DLG2: variants seen among roughly 807,000 people sequenced by gnomAD.
DLG2 encodes the protein discs large MAGUK scaffold protein 2.
DLG2 carries 45 observed loss-of-function variants against 132.5 expected under a neutral mutation model. The ratio of observed to expected loss-of-function variants is 0.34; its 90% CI spans 0.27 to 0.44. The LOEUF is 0.44. DLG2 is among the 20% of genes least tolerant of loss of function. DLG2 has a pLI of 1.00. For synonymous variants in DLG2, 424 were observed against 419.6 expected, an observed-to-expected ratio of 1.01 and a Z score of -0.13; for missense variants, 1,045 against 1,196.9, an observed-to-expected ratio of 0.87 and a Z score of 1.87.
chr11:85,562,794 G>A (rs2077329090), intron 3 of DLG2, among the ~76,000 whole-genome samples: 2 of 151,794 alleles, frequency 1.3e-5, no homozygotes, highest in Non-Finnish European at 2.9e-5. Context: ...GAGCTAAACA[G>A]TGAATTAGAG....
intron 15 of DLG2, among the ~76,000 whole-genome samples, chr11:83,919,729 G>C (rs2077525862): frequency 6.6e-6 from 1 of 152,256 alleles, no homozygotes; most frequent in Middle Eastern, 3.4e-3. Flanking sequence ...GGAAAATATA[G>C]AGGTTGGACT....
rs2093982427 is a variant in DLG2 at position 83,995,629 on chromosome 11, A to G, written c.920-14987T>C. On this transcript the variant is annotated intron_variant, in intron 11 of 27. Coordinates refer to ENST00000376104, the MANE Select transcript of DLG2 (RefSeq NM_001142699.3). ...ATGATACTGGCATAAAAACAGACAC[A>G]TAGACAAAGGTAACAGAATAGACAG... Among the ~76,000 whole-genome samples the G allele has an allele frequency of 3.9e-5, 6 of 152,342 alleles. No individual in the cohort carries two copies. In the South Asian group the frequency reaches 1.0e-3, roughly 26 times the overall value.
chr11:85,398,935 T>C (rs963294294), intron 3 of DLG2, among the ~76,000 whole-genome samples: 20 of 152,100 alleles, frequency 1.3e-4, no homozygotes, highest in African/African-American at 4.6e-4. Context: ...GCCAGGGCAA[T>C]TAGGCAGGAG....
rs138859892 is a variant in DLG2, at chr11:84,121,003, C to G, written c.625-21956G>C. Among the ~76,000 whole-genome samples the G allele has an allele frequency of 2.0e-5, 3 of 152,288 alleles. No individual in the cohort carries two copies. The East Asian group carries it at 5.8e-4, about 29-fold the overall frequency. ...TACTCTAATTTCTTTTGTCTTTACT[C>G]TTGCTCATTCATTCAATTCATTAAT... is the stretch of plus-strand genomic sequence containing the variant. On this transcript the variant is annotated intron_variant, in intron 9 of 27. Coordinates refer to ENST00000376104, the MANE Select transcript of DLG2 (RefSeq NM_001142699.3).
chr11:84,929,020 A>G (rs1191123357), intron 6 of DLG2, among the ~76,000 whole-genome samples: 6 of 114,452 alleles, frequency 5.2e-5, no homozygotes, highest in South Asian at 2.9e-4. Context: ...ATATATATAT[A>G]TATATTACTG....
chr11:84,791,169 G>A (rs367776738), intron 6 of DLG2, among the ~76,000 whole-genome samples: 57 of 152,140 alleles, frequency 3.7e-4, no homozygotes, highest in African/African-American at 1.3e-3. Flanking sequence ...CTCACTATCC[G>A]GATAACAGCA....
chr11:84,002,292 C>A (rs1349423455), intron 11 of DLG2, among the ~76,000 whole-genome samples: 1 of 152,134 alleles, frequency 6.6e-6, no homozygotes, highest in Non-Finnish European at 1.5e-5. Flanking sequence ...CTGGGATCTA[C>A]CATCCTAGGG....
chr11:85,445,636 C>T (rs1196607195), intron 3 of DLG2, among the ~76,000 whole-genome samples: 1 of 152,160 alleles, frequency 6.6e-6, no homozygotes, highest in Non-Finnish European at 1.5e-5. Flanking sequence ...GCCGAGGTTG[C>T]ACCACTCCTG....
At chr11:83,640,945 C>T (rs535946540) in intron 18 of DLG2, among the ~76,000 whole-genome samples, 1 of 152,246 alleles carries the variant, frequency 6.6e-6, no homozygotes, top group South Asian at 2.1e-4. Flanking sequence ...TGAGTCCTGG[C>T]TCTGAGAGAT....
At chr11:84,822,747 G>C (rs1566059463) in intron 6 of DLG2, among the ~76,000 whole-genome samples, 1 of 151,824 alleles carries the variant, frequency 6.6e-6, no homozygotes, top group African/African-American at 2.4e-5. Flanking sequence ...ACACTTTTCA[G>C]AAATACAATG....
intron 4 of DLG2, among the ~76,000 whole-genome samples, chr11:85,186,337 CT>C (rs1455686982): frequency 2.6e-5 from 4 of 151,898 alleles, no homozygotes; most frequent in Non-Finnish European, 5.9e-5. Flanking sequence ...TTTTACATTT[CT>C]TTTTTAGTAC....
intron 4 of DLG2, among the ~76,000 whole-genome samples, chr11:85,188,574 A>G (rs2152525795): frequency 6.6e-6 from 1 of 152,320 alleles, no homozygotes; most frequent in Middle Eastern, 3.4e-3. Context: ...CAAATATTAC[A>G]AATATATTAT....
intron 6 of DLG2, among the ~76,000 whole-genome samples, chr11:84,606,061 T>C (rs745703078): frequency 1.7e-4 from 26 of 152,086 alleles, no homozygotes; most frequent in Non-Finnish European, 3.2e-4. Context: ...TTGTTAGCTA[T>C]ACAAAAGCCA....
intron 6 of DLG2, among the ~76,000 whole-genome samples, chr11:84,991,271 G>T (rs564821847): frequency 6.6e-6 from 1 of 152,146 alleles, no homozygotes; most frequent in African/African-American, 2.4e-5. Flanking sequence ...GCAATTTGGG[G>T]GACTGAGGCG....
chr11:84,385,139 A>G (rs932526124), intron 7 of DLG2, among the ~76,000 whole-genome samples: 51 of 152,018 alleles, frequency 3.4e-4, no homozygotes, highest in African/African-American at 1.2e-3. Flanking sequence ...TGTAACATTT[A>G]CCCTTCCACA....
At chr11:84,758,037 A>C (rs2067125379) in intron 6 of DLG2, among the ~76,000 whole-genome samples, 1 of 152,240 alleles carries the variant, frequency 6.6e-6, no homozygotes. Flanking sequence ...TGGTTGGGTC[A>C]TTGCCATAAC....
intron 4 of DLG2, among the ~76,000 whole-genome samples, chr11:85,256,296 T>C (rs952570891): frequency 9.2e-5 from 14 of 152,024 alleles, no homozygotes; most frequent in African/African-American, 3.1e-4. Context: ...GGAGAGGAGA[T>C]CAGCCACTGG....
At chr11:83,704,327 A>C (rs1178911338) in intron 18 of DLG2, among the ~76,000 whole-genome samples, 1 of 152,296 alleles carries the variant, frequency 6.6e-6, no homozygotes, top group East Asian at 1.9e-4. Context: ...AACCTCCCTT[A>C]TGTATTTCAT....
Position 83,823,019 on chromosome 11 carries a change from C to A in DLG2, c.1722+10595G>T, listed in dbSNP as rs907090339. ...GCAGCATGATCACTTTCCTACCTAT[C>A]CTGAAGGTACCCTATGAGGATCAAA... On this transcript the variant is annotated intron_variant, in intron 17 of 27. Transcript: ENST00000376104. 2.4e-4 allele frequency among the ~76,000 whole-genome samples: 37 copies of A among 152,078 alleles called. 1 individual carries two copies. The highest frequency in any genetic ancestry group is 8.7e-4 in the African/African-American group (36 of 41,382).
Sources: allele counts gnomAD v4.1 joint callset (sites outside exome capture counted in the v4.1 genomes callset), GRCh38; gene constraint gnomAD v4.1.1; transcripts MANE v1.5; gene names NCBI Gene and HGNC (gene_info 2026-07-23, HGNC 2026-07-21).